RIMBP2: variants seen among roughly 807,000 people sequenced by gnomAD.
RIMBP2 encodes RIMS-binding protein 2.
Under a neutral mutation model 118.6 loss-of-function variants are expected in RIMBP2, and 48 were observed. The ratio of observed to expected loss-of-function variants is 0.40; its 90% CI spans 0.32 to 0.51. The LOEUF (loss-of-function observed/expected upper bound fraction) is 0.51, where lower values mean the gene tolerates loss of function less well. Among genes scored for constraint, RIMBP2 ranks in the 20% least tolerant of loss-of-function variants. The pLI, the probability that RIMBP2 is intolerant of heterozygous loss-of-function variation, is 0.41. For missense variants in RIMBP2, 1,551 were observed against 1,768.3 expected, an observed-to-expected ratio of 0.88 and a Z score of 2.20; for synonymous variants, 762 against 742.9, an observed-to-expected ratio of 1.03 and a Z score of -0.42.
At position 130,441,924 on chromosome 12, in the gene RIMBP2, G is replaced by A. The variant is rs746034009; in HGVS notation, c.1428C>T (p.His476=). Residue 476 remains histidine (H), a synonymous_variant, in exon 11 of 23, where the codon CAC becomes CAT. Coordinates refer to ENST00000690449, the MANE Select transcript of RIMBP2 (RefSeq NM_001393629.1). ...CCAGCGGGAGCTGCCACGGCATCTG[G>A]TGGGGTTTGGCCAGAACCTTCACCT... ...AYKVKVLAKP[H]QMPWQLPLEQ... is the part of the protein sequence containing the mutation. 3 of 1,613,984 alleles carry A rather than the reference G, an allele frequency of 1.9e-6. No individual in the cohort carries two copies. Among genetic ancestry groups the A allele is most frequent in the Admixed American group, 3.3e-5 (2 of 60,034 alleles).
Position 130,576,492 on chromosome 12 carries a change from C to T in RIMBP2, c.-217+51830G>A, listed in dbSNP as rs150959421. 5.9e-5 allele frequency among the ~76,000 whole-genome samples: 9 copies of T among 152,224 alleles called. No individual in the cohort carries two copies. The highest frequency in any genetic ancestry group is 1.2e-4 in the African/African-American group (5 of 41,546). ...TGTGCGGGCTAAGTATCTCCTCCCG[C>T]GGGAAGCAGATGGCCCCTGCATGTG... On this transcript the variant is annotated intron_variant, in intron 2 of 22. Coordinates refer to ENST00000690449, the MANE Select transcript of RIMBP2 (RefSeq NM_001393629.1). The surrounding 1 kb of genome is among the most constrained non-coding windows in gnomAD (Gnocchi z 4.2).
Position 130,434,797 on chromosome 12 carries a change from T to C in RIMBP2, c.2190A>G (p.Pro730=), listed in dbSNP as rs2077387188. ...CCGAGGCGCCCCTCCTCTTGAAGTC[T>C]GGAGAGTCATAGGCGTCCTCCTCGT... ...ASDEEDAYDS[P]DFKRRGASVD... is the part of the protein sequence containing the mutation. Residue 730 remains proline, a synonymous_variant, in exon 14 of 23, where the codon CCA becomes CCG. Coordinates refer to ENST00000690449, the MANE Select transcript of RIMBP2 (RefSeq NM_001393629.1). This position sits in a 1 kb window ranked among gnomAD's most constrained non-coding sequence, Gnocchi z 5.7. 1 of 1,613,842 alleles carries C rather than the reference T, an allele frequency of 6.2e-7. No individual in the cohort carries two copies. Among genetic ancestry groups the C allele is most frequent in the African/African-American group, 1.3e-5 (1 of 74,914 alleles).
In RIMBP2 at chr12:130,480,290, C is replaced by T. The variant is rs2081863646; in HGVS notation, c.-3-1274G>A. Among the ~76,000 whole-genome samples, 4 of 151,524 alleles carry T rather than the reference C, an allele frequency of 2.6e-5. No homozygotes were observed. In the South Asian group the frequency reaches 8.3e-4, roughly 32 times the overall value. On this transcript the variant is annotated intron_variant, in intron 4 of 22. Coordinates refer to ENST00000690449, the MANE Select transcript of RIMBP2 (RefSeq NM_001393629.1). The stretch of plus-strand genomic sequence containing the variant: ...AAATCTGGGTCTTTTATATAAAAGA[C>T]CAGATTCCTTCAAAAATGGGAAGAG...
chr12:130,669,254 C>T (rs1235018198), intron 1 of RIMBP2: 2 of 152,206 alleles, frequency 1.3e-5, no homozygotes, highest in Non-Finnish European at 2.9e-5. Context: ...GCACAGCATG[C>T]AAATAGCACG....
intron 2 of RIMBP2, among the ~76,000 whole-genome samples, chr12:130,580,947 G>T (rs1291656147): frequency 6.7e-6 from 1 of 149,038 alleles, no homozygotes; most frequent in Non-Finnish European, 1.5e-5. Flanking sequence ...GTGTGTGTGT[G>T]TTTGTTTGTG....
chr12:130,666,507 A>G (rs1015179639), intron 1 of RIMBP2, among the ~76,000 whole-genome samples: 1 of 152,204 alleles, frequency 6.6e-6, no homozygotes, highest in Non-Finnish European at 1.5e-5. Context: ...CAAATTGTGA[A>G]TCACACTCAA....
At chr12:130,584,922 G>C (rs2058783495) in intron 2 of RIMBP2, among the ~76,000 whole-genome samples, 1 of 151,556 alleles carries the variant, frequency 6.6e-6, no homozygotes. Flanking sequence ...ACAGAGTCTT[G>C]CTATGTCACC....
At chr12:130,567,626 G>T (rs375192025) in intron 2 of RIMBP2, among the ~76,000 whole-genome samples, 194 of 152,244 alleles carry the variant, frequency 1.3e-3, no homozygotes, top group African/African-American at 4.5e-3. Flanking sequence ...GGGGCAGCAG[G>T]TTCCTACTTG....
At chr12:130,714,334 C>T (rs1463858010) in intron 1 of RIMBP2, among the ~76,000 whole-genome samples, 1 of 152,230 alleles carries the variant, frequency 6.6e-6, no homozygotes, top group Admixed American at 6.5e-5. Context: ...AGCCCGGCTG[C>T]ACGCTGGCCT....
At chr12:130,528,555 A>T (rs1047747342) in intron 2 of RIMBP2, among the ~76,000 whole-genome samples, 11 of 150,830 alleles carry the variant, frequency 7.3e-5, no homozygotes, top group African/African-American at 2.4e-4. Flanking sequence ...ACCATGGCAC[A>T]TGTTTACCTA....
chr12:130,462,237 T>C (rs534837760), intron 6 of RIMBP2, among the ~76,000 whole-genome samples: 1 of 152,292 alleles, frequency 6.6e-6, no homozygotes, highest in South Asian at 2.1e-4. Context: ...TGGGGGGTTC[T>C]GGAACTTAGA....
At chr12:130,455,180 A>G (rs901374229) in intron 7 of RIMBP2, among the ~76,000 whole-genome samples, 1 of 152,198 alleles carries the variant, frequency 6.6e-6, no homozygotes, top group African/African-American at 2.4e-5. Flanking sequence ...CAGCATGGAG[A>G]CACGTGCATT....
chr12:130,446,375 C>T lies in RIMBP2; in HGVS notation c.582-1106G>A, dbSNP rs2078524131. On this transcript the variant is annotated intron_variant, in intron 9 of 22. Coordinates refer to ENST00000690449, the MANE Select transcript of RIMBP2 (RefSeq NM_001393629.1). The surrounding 1 kb of genome is among the most constrained non-coding windows in gnomAD (Gnocchi z 4.1). Reference sequence around the variant, plus strand: ...AGGAAAACAGAGAAGATAAGGTCCCCAGTCTCAATGGCTGAGTGAGGTCAG... The same window carrying T: ...AGGAAAACAGAGAAGATAAGGTCCCTAGTCTCAATGGCTGAGTGAGGTCAG... Among the ~76,000 whole-genome samples the T allele has an allele frequency of 6.6e-6, 1 of 152,214 alleles. No homozygotes were observed. Among genetic ancestry groups the T allele is most frequent in the Non-Finnish European group, 1.5e-5 (1 of 68,040 alleles).
Position 130,456,699 on chromosome 12 carries a change from G to A in RIMBP2, c.155C>T (p.Ser52Phe). 1.2e-6 allele frequency: 2 copies of A among 1,600,442 alleles called. No individual in the cohort carries two copies. The highest frequency in any genetic ancestry group is 1.7e-6 in the Non-Finnish European group (2 of 1,170,332). Residue 52 changes from serine (S) to phenylalanine (F), a missense_variant and splice_region_variant, in exon 7 of 23, where the codon TCC becomes TTC. Ser to Phe is a radical substitution (Grantham distance 155, BLOSUM62 -2). This residue lies in a region of RIMBP2 where 239 missense variants were observed against 256.8 expected (regional missense o/e 0.93). Transcript: ENST00000690449. ...TTTCTCTTCCAGCTCTCGAACCTTG[G>A]ACTGCACGGCAGAAGCAGGACAGGG... ...EHEGAVRLLE[S>F]KVRELEEKCR...
chr12:130,633,620 G>T (rs2062141522), intron 1 of RIMBP2, among the ~76,000 whole-genome samples: 5 of 152,128 alleles, frequency 3.3e-5, no homozygotes, highest in Admixed American at 3.3e-4. Context: ...AGACCCAAAG[G>T]TTTAGAAACC....
At chr12:130,481,176 AG>A (rs1249003374) in intron 4 of RIMBP2, among the ~76,000 whole-genome samples, 2 of 151,708 alleles carry the variant, frequency 1.3e-5, no homozygotes, top group African/African-American at 4.8e-5. Context: ...ACCCAGGCTC[AG>A]GGGGAGGGGT....
rs1457867356 is a variant in RIMBP2 at position 130,422,768 on chromosome 12, T to C, written c.3130-207A>G. Reference sequence around the variant, plus strand: ...CTACTCGGAGCCGCTGCTGGGCGCATGGTGGGGTGAGGGCAAAAATAATTC... The same window carrying C: ...CTACTCGGAGCCGCTGCTGGGCGCACGGTGGGGTGAGGGCAAAAATAATTC... On this transcript the variant is annotated intron_variant, in intron 16 of 22. Coordinates refer to ENST00000690449, the MANE Select transcript of RIMBP2 (RefSeq NM_001393629.1). This position sits in a 1 kb window ranked among gnomAD's most constrained non-coding sequence, Gnocchi z 5.2. Among the ~76,000 whole-genome samples the C allele has an allele frequency of 6.6e-6, 1 of 152,206 alleles. No homozygotes were observed. Among genetic ancestry groups the C allele is most frequent in the Non-Finnish European group, 1.5e-5 (1 of 68,036 alleles).
In RIMBP2 at chr12:130,678,902, G is replaced by T. The variant is rs79888091; in HGVS notation, c.-352+37320C>A. On this transcript the variant is annotated intron_variant, in intron 1 of 22. Coordinates refer to ENST00000690449, the MANE Select transcript of RIMBP2 (RefSeq NM_001393629.1). Reference sequence around the variant, plus strand: ...GTAGACCCATAGTCAGCGGGGGCTTGGAGTGGGGATGAGGCGTGACGGCCA... The same window carrying T: ...GTAGACCCATAGTCAGCGGGGGCTTTGAGTGGGGATGAGGCGTGACGGCCA... Among the ~76,000 whole-genome samples the T allele has an allele frequency of 1.7e-3, 264 of 152,322 alleles. 1 individual carries two copies. Among genetic ancestry groups the T allele is most frequent in the African/African-American group, 6.2e-3 (257 of 41,562 alleles).
At position 130,428,254 on chromosome 12, in the gene RIMBP2, C is replaced by T; in HGVS notation, c.2337G>A (p.Glu779=). The change falls in exon 15 of 23, where the codon GAG becomes GAA. Residue 779 remains glutamate, a synonymous_variant. Transcript: ENST00000690449. The part of the protein sequence containing the change: ...DLSDIMEEDE[E]ELYSEMQLED... ...CCAGCTGCATTTCAGAATACAGCTC[C>T]TCCTCGTCCTCCTCCATGATGTCTG... 1 of 1,613,754 alleles carries T rather than the reference C, an allele frequency of 6.2e-7. No individual in the cohort carries two copies.
Sources: gnomAD v4.1 joint callset for allele counts (sites outside exome capture counted in the v4.1 genomes callset) on GRCh38, gnomAD v4.1.1 for gene constraint, gnomAD v4.1.1 regional missense constraint, Gnocchi (gnomAD v3.1) non-coding constraint, MANE v1.5 for transcripts, NCBI Gene and HGNC (gene_info 2026-07-23, HGNC 2026-07-21) for gene names.